NAV3: variants seen among roughly 807,000 people sequenced by gnomAD.
NAV3 encodes the protein pore membrane and/or filament interacting like protein 1.
Under a neutral mutation model 244.7 loss-of-function variants are expected in NAV3, and 87 were observed. The ratio of observed to expected loss-of-function variants is 0.36; its 90% CI spans 0.30 to 0.42. The LOEUF (loss-of-function observed/expected upper bound fraction) is 0.42. NAV3 is among the 20% of genes least tolerant of loss of function. NAV3 has a pLI of 1.00. For missense variants in NAV3, 2,663 were observed against 2,893.3 expected, an observed-to-expected ratio of 0.92 and a Z score of 1.83; for synonymous variants, 1,126 against 1,042.2, an observed-to-expected ratio of 1.08 and a Z score of -1.55.
chr12:77,588,191 C>CTTG (rs1471976427), intron 2 of NAV3, among the ~76,000 whole-genome samples: 3 of 151,418 alleles, frequency 2.0e-5, no homozygotes, highest in Non-Finnish European at 4.4e-5. Context: ...GATCACAGCA[C>CTTG]ACTGCAGCCT....
intron 1 of NAV3, among the ~76,000 whole-genome samples, chr12:77,832,267 A>G (rs931830511): frequency 6.6e-6 from 1 of 151,894 alleles, no homozygotes; most frequent in Admixed American, 6.6e-5. Flanking sequence ...CTGAAACGCT[A>G]CTCTTTTACT....
Position 77,767,849 on chromosome 12 carries a change from A to G in NAV3, c.73-172470A>G, listed in dbSNP as rs890822031. Among the ~76,000 whole-genome samples, 11 of 152,292 alleles carry G rather than the reference A, an allele frequency of 7.2e-5. No individual in the cohort carries two copies. In the East Asian group the frequency reaches 1.9e-3, roughly 27 times the overall value. On this transcript the variant is annotated intron_variant, in intron 2 of 8. Transcript: ENST00000550042. ...CCCATTGCCTGCAATGCAGTGAGCAAAGGAGGTGTGTGACAGCCCTGTTTC... is the reference window on the plus strand; with the variant it reads ...CCCATTGCCTGCAATGCAGTGAGCAGAGGAGGTGTGTGACAGCCCTGTTTC...
intron 1 of NAV3, among the ~76,000 whole-genome samples, chr12:77,925,538 G>T (rs200606722): frequency 8.2e-6 from 1 of 121,596 alleles, no homozygotes; most frequent in Non-Finnish European, 1.7e-5. Flanking sequence ...GGATGAAAAG[G>T]CGGGGGGAGG....
intron 2 of NAV3, among the ~76,000 whole-genome samples, chr12:77,667,399 G>A (rs1412735299): frequency 2.0e-5 from 3 of 152,184 alleles, no homozygotes; most frequent in Non-Finnish European, 4.4e-5. Context: ...ACTCCATGCT[G>A]TTGGTCGGGC....
chr12:77,962,156 T>C (rs1393936432), intron 3 of NAV3, among the ~76,000 whole-genome samples: 2 of 152,076 alleles, frequency 1.3e-5, no homozygotes, highest in Admixed American at 6.6e-5. Context: ...TCTTCTCTGT[T>C]GGTTCCTCCT....
At chr12:78,044,432 A>G (rs181700852) in intron 9 of NAV3, among the ~76,000 whole-genome samples, 1 of 152,216 alleles carries the variant, frequency 6.6e-6, no homozygotes, top group Non-Finnish European at 1.5e-5. Context: ...TTGGTTCCAT[A>G]TGAAATTTAA....
intron 38 of NAV3, 53 bp downstream of exon 38, chr12:78,200,644 A>T (rs1959563592): frequency 8.9e-7 from 1 of 1,120,534 alleles, no homozygotes; most frequent in Non-Finnish European, 1.2e-6. Context: ...AAAGCAAAAA[A>T]AATTACTTTA....
intron 16 of NAV3, among the ~76,000 whole-genome samples, chr12:78,123,817 G>A (rs192281844): frequency 2.0e-5 from 3 of 152,270 alleles, no homozygotes; most frequent in Admixed American, 1.3e-4. Context: ...GACAGCATAC[G>A]TAAAGACCAG....
chr12:77,939,590 A>AT (rs1195494769), intron 1 of NAV3, among the ~76,000 whole-genome samples: 6 of 152,074 alleles, frequency 3.9e-5, no homozygotes, highest in African/African-American at 1.4e-4. Context: ...ACAATGTTTT[A>AT]TTTTTGTGAA....
intron 19 of NAV3, among the ~76,000 whole-genome samples, chr12:78,139,320 G>T (rs549891399): frequency 6.6e-6 from 1 of 152,022 alleles, no homozygotes; most frequent in Non-Finnish European, 1.5e-5. Flanking sequence ...CAGGTCTTAA[G>T]CACCTCCCAT....
chr12:77,722,763 A>T (rs1402495785), intron 2 of NAV3, among the ~76,000 whole-genome samples: 1 of 152,168 alleles, frequency 6.6e-6, no homozygotes, highest in Middle Eastern at 3.4e-3. Flanking sequence ...CCAAATGTTT[A>T]TATTATGGCA....
intron 12 of NAV3, among the ~76,000 whole-genome samples, chr12:78,103,937 G>C (rs1324124005): frequency 6.6e-6 from 1 of 152,122 alleles, no homozygotes; most frequent in Non-Finnish European, 1.5e-5. Context: ...TTATACTTTT[G>C]CTTTTAATAA....
At chr12:78,064,149 T>G (rs1884674301) in intron 12 of NAV3, among the ~76,000 whole-genome samples, 1 of 152,098 alleles carries the variant, frequency 6.6e-6, no homozygotes, top group Admixed American at 6.6e-5. Flanking sequence ...ACCATCTATT[T>G]CTAGAGGAAC....
At chr12:77,899,882 T>C (rs937608954) in intron 1 of NAV3, among the ~76,000 whole-genome samples, 1 of 152,188 alleles carries the variant, frequency 6.6e-6, no homozygotes, top group African/African-American at 2.4e-5. Flanking sequence ...CTTTATTTAT[T>C]AATCGTTTTA....
intron 2 of NAV3, among the ~76,000 whole-genome samples, chr12:77,738,913 C>G (rs1270597066): frequency 1.4e-5 from 2 of 145,630 alleles, no homozygotes; most frequent in Non-Finnish European, 3.0e-5. Flanking sequence ...TCAGGAGGCT[C>G]AGGCAGGAGA....
chr12:77,579,571 G>T (rs1036289727), intron 2 of NAV3, among the ~76,000 whole-genome samples: 1 of 152,254 alleles, frequency 6.6e-6, no homozygotes, highest in Middle Eastern at 3.4e-3. Context: ...TGAGGGTGGA[G>T]CCCTCAGTAC....
intron 1 of NAV3, among the ~76,000 whole-genome samples, chr12:77,919,618 C>T (rs1010847938): frequency 1.3e-5 from 2 of 151,926 alleles, no homozygotes; most frequent in African/African-American, 2.4e-5. Context: ...ATTTCTTAAC[C>T]GCAAATATGT....
intron 11 of NAV3, among the ~76,000 whole-genome samples, chr12:78,057,869 C>T (rs1883744221): frequency 6.6e-6 from 1 of 152,150 alleles, no homozygotes; most frequent in Non-Finnish European, 1.5e-5. Flanking sequence ...GTCTGCATGT[C>T]TACATGTAAG....
chr12:77,954,667 C>T (rs1281124987), intron 3 of NAV3, among the ~76,000 whole-genome samples: 5 of 152,146 alleles, frequency 3.3e-5, no homozygotes, highest in African/African-American at 1.2e-4. Context: ...AGCTCCAAAT[C>T]ATTTTCCCTG....
Sources: gnomAD v4.1 joint callset for allele counts (sites outside exome capture counted in the v4.1 genomes callset) on GRCh38, gnomAD v4.1.1 for gene constraint, MANE v1.5 for transcripts, NCBI Gene and HGNC (gene_info 2026-07-23, HGNC 2026-07-21) for gene names.